CERCAM: variants seen among roughly 807,000 people sequenced by gnomAD.
CERCAM encodes the protein cerebral endothelial cell adhesion molecule.
A neutral mutation model predicts 66.0 loss-of-function variants in CERCAM; 59 were observed. The observed-to-expected ratio is 0.89, with a 90% CI of 0.73 to 1.11. The LOEUF is 1.11. Ranked by LOEUF, CERCAM falls within the 50% of genes most tolerant of loss-of-function variation. The probability of loss-of-function intolerance (pLI) is 0.00; values close to 1 mark genes in which losing one functional copy is unlikely to be tolerated. For synonymous variants in CERCAM, 318 were observed against 343.6 expected (o/e 0.93, Z 0.83); for missense variants, 840 against 828.3 (o/e 1.01, Z -0.17).
chr9:128,424,796 C>CACTGCAA (rs1426523957), intron 5 of CERCAM, among the ~76,000 whole-genome samples, 182 bp downstream of exon 5: 1 of 147,636 alleles, frequency 6.8e-6, no homozygotes, highest in Non-Finnish European at 1.5e-5. Context: ...GATCTCGGCT[C>CACTGCAA]ACTGCAAACT....
chr9:128,434,599 C>G lies in CERCAM; in HGVS notation c.1521C>G (p.Phe507Leu). 3.1e-6 allele frequency: 5 copies of G among 1,606,196 alleles called. No homozygotes were observed. Among genetic ancestry groups the G allele is most frequent in the Non-Finnish European group, 4.2e-6 (5 of 1,179,596 alleles). The change falls in exon 11 of 13, where the codon TTC becomes TTG. Residue 507 changes from phenylalanine to leucine, a missense_variant. Physicochemically the swap from Phe to Leu is conservative, Grantham distance 22. Coordinates refer to ENST00000372838, the MANE Select transcript of CERCAM (RefSeq NM_016174.5). This position sits in a 1 kb window ranked among gnomAD's most constrained non-coding sequence, Gnocchi z 4.5. ...LPVDEFLPIM[F>L]DQHPNEQYKA... is the part of the protein sequence containing the mutation. ...TGGACGAGTTCCTGCCCATCATGTT[C>G]GACCAGCACCCCAAGTGAGGCTCTG...
chr9:128,434,630 G>T lies in CERCAM; in HGVS notation c.1535+17G>T, dbSNP rs1225234276. ...GCACCCCAAGTGAGGCTCTGATGGGGGCCGGGCATGGCAGGGCAGAGGCGT... is the reference window on the plus strand; with the variant it reads ...GCACCCCAAGTGAGGCTCTGATGGGTGCCGGGCATGGCAGGGCAGAGGCGT... On this transcript the variant is annotated intron_variant, in intron 11 of 12. Coordinates refer to ENST00000372838, the MANE Select transcript of CERCAM (RefSeq NM_016174.5). This position sits in a 1 kb window ranked among gnomAD's most constrained non-coding sequence, Gnocchi z 4.5. The T allele has an allele frequency of 4.1e-6, 6 of 1,472,254 alleles. No individual in the cohort carries two copies. In the Admixed American group the frequency reaches 8.9e-5, roughly 22 times the overall value. 91.2% of individuals were successfully genotyped at this position (1,472,254 alleles called of 1,614,324 possible).
At chr9:128,425,276 C>T (rs1489303361) in intron 5 of CERCAM, among the ~76,000 whole-genome samples, 5 of 149,006 alleles carry the variant, frequency 3.4e-5, no homozygotes, top group East Asian at 2.1e-4. Flanking sequence ...AGGATGGTCT[C>T]GATCTCCTGA....
In CERCAM at chr9:128,421,052, C is replaced by T. The variant is rs891494246; in HGVS notation, c.175C>T (p.Pro59Ser). 7.3e-7 allele frequency: 1 copy of T among 1,364,886 alleles called. No homozygotes were observed. The highest frequency in any genetic ancestry group is 3.6e-5 in the Admixed American group (1 of 27,704). 84.5% of individuals were successfully genotyped at this position (1,364,886 alleles called of 1,614,324 possible). A position where few individuals can be genotyped will look rare whatever the true frequency, so the allele number is the denominator to read the frequency against. ...YLGALERLDY[P>S]RARMALWCAT... ...GGGCGCTCTGGAGCGGCTGGACTAC[C>T]CCCGGGCCAGGATGGCCCTCTGGTG... Residue 59 changes from proline (P) to serine (S), a missense_variant, in exon 1 of 13, where the codon CCC becomes TCC. Coordinates refer to ENST00000372838, the MANE Select transcript of CERCAM (RefSeq NM_016174.5).
intron 3 of CERCAM, among the ~76,000 whole-genome samples, chr9:128,423,466 A>G (rs1413360014): frequency 1.3e-5 from 2 of 152,004 alleles, no homozygotes; most frequent in Non-Finnish European, 2.9e-5. Context: ...AAAATACAAT[A>G]ATTAGCTGGG....
At chr9:128,423,087 G>GTGTCCA in intron 2 of CERCAM, 59 bp from the exon 3 acceptor site, 4 of 1,611,180 alleles carry the variant, frequency 2.5e-6, no homozygotes, top group Non-Finnish European at 2.5e-6. Flanking sequence ...TCTGTCCACT[G>GTGTCCA]CCCTGCAGAG....
Position 128,434,607 on chromosome 9 carries a change from AC to A in CERCAM, c.1533del (p.Asn512ThrfsTer68). On this transcript the variant is annotated frameshift_variant, in exon 11 of 13. Coordinates refer to ENST00000372838, the MANE Select transcript of CERCAM (RefSeq NM_016174.5). LOFTEE classifies it high-confidence loss of function. The surrounding 1 kb of genome is among the most constrained non-coding windows in gnomAD (Gnocchi z 4.5). ...TTCCTGCCCATCATGTTCGACCAGCACCCCAAGTGAGGCTCTGATGGGGGCC... is the reference window on the plus strand; with the variant it reads ...TTCCTGCCCATCATGTTCGACCAGCACCCAAGTGAGGCTCTGATGGGGGCC... ...DEFLPIMFDQHPNEQYKAHFW... is the reference protein window; with the variant it reads ...DEFLPIMFDQXPNEQYKAHFW... The A allele has an allele frequency of 1.3e-6, 2 of 1,595,130 alleles. No individual in the cohort carries two copies.
rs1464308405 is a variant in CERCAM at position 128,435,777 on chromosome 9, C to T, written c.1660C>T (p.Pro554Ser). The T allele has an allele frequency of 1.2e-6, 2 of 1,613,228 alleles. No individual in the cohort carries two copies. Among genetic ancestry groups the T allele is most frequent in the Non-Finnish European group, 1.7e-6 (2 of 1,179,880 alleles). ...GCTCAGTGACACGGAGACATCCTCT[C>T]CATGGGATGATGACAGCGGCCGCCT... ...EWLSDTETSS[P>S]WDDDSGRLIS... The change falls in exon 12 of 13, where the codon CCA becomes TCA. Residue 554 changes from proline to serine, a missense_variant. Coordinates refer to ENST00000372838, the MANE Select transcript of CERCAM (RefSeq NM_016174.5).
chr9:128,433,802 T>C (rs1291347530), intron 9 of CERCAM, among the ~76,000 whole-genome samples: 1 of 152,160 alleles, frequency 6.6e-6, no homozygotes, highest in Admixed American at 6.5e-5. Context: ...TTGAGGATCA[T>C]CATCTCCTGC....
intron 12 of CERCAM, among the ~76,000 whole-genome samples, chr9:128,436,242 A>T (rs563340105): frequency 6.8e-5 from 10 of 146,056 alleles, no homozygotes; most frequent in African/African-American, 2.3e-4. Context: ...TTTTATTTTT[A>T]TTTATTTATT....
intron 8 of CERCAM, among the ~76,000 whole-genome samples, chr9:128,430,247 CA>C (rs1169688424): frequency 6.6e-6 from 1 of 151,786 alleles, no homozygotes; most frequent in Non-Finnish European, 1.5e-5. Context: ...ACTAAAAGTA[CA>C]AAAATTAGCC....
chr9:128,425,301 C>T lies in CERCAM; in HGVS notation c.766+687C>T, dbSNP rs549455951. Among the ~76,000 whole-genome samples, 28 of 151,928 alleles carry T rather than the reference C, an allele frequency of 1.8e-4. No individual in the cohort carries two copies. In the South Asian group the frequency reaches 1.9e-3, roughly 10 times the overall value. ...CGATCTCCTGACCTCGTGATCTGCCCGCCTCGGCCTCCCAAAGTGCTGGGA... is the reference window on the plus strand; with the variant it reads ...CGATCTCCTGACCTCGTGATCTGCCTGCCTCGGCCTCCCAAAGTGCTGGGA... On this transcript the variant is annotated intron_variant, in intron 5 of 12. Transcript: ENST00000372838.
chr9:128,433,248 C>CA (rs1834021984), intron 9 of CERCAM, among the ~76,000 whole-genome samples: 1 of 144,202 alleles, frequency 6.9e-6, no homozygotes, highest in South Asian at 2.2e-4. Flanking sequence ...CACTGCACTC[C>CA]AGCCCGGGCG....
Position 128,429,034 on chromosome 9 carries a change from C to G in CERCAM, c.1068C>G (p.Gly356=). The change falls in exon 8 of 13, where the codon GGC becomes GGG. Residue 356 remains glycine, a splice_region_variant and synonymous_variant. Transcript: ENST00000372838. ...ISGRVVDAVD[G]WMLNSSAIRN... Reference sequence around the variant, plus strand: ...GGAGGGTGGTGGACGCTGTGGATGGCTGGTGAGCCTGCCTGGTGGGGGGGG... The same window carrying G: ...GGAGGGTGGTGGACGCTGTGGATGGGTGGTGAGCCTGCCTGGTGGGGGGGG... 1 of 1,597,302 alleles carries G rather than the reference C, an allele frequency of 6.3e-7. No homozygotes were observed. The highest frequency in any genetic ancestry group is 1.3e-5 in the African/African-American group (1 of 74,846).
chr9:128,434,529 C>G lies in CERCAM; in HGVS notation c.1451C>G (p.Ala484Gly). The G allele has an allele frequency of 5.0e-6, 8 of 1,612,694 alleles. No individual in the cohort carries two copies. Among genetic ancestry groups the G allele is most frequent in the Non-Finnish European group, 6.8e-6 (8 of 1,179,962 alleles). Reference protein sequence around the residue: ...TLAYALRLAGARKLLASQPLR... With the variant: ...TLAYALRLAGGRKLLASQPLR... ...GCCTATGCCCTGCGTCTGGCGGGTG[C>G]CCGCAAGCTGCTGGCCTCACAGCCT... Residue 484 changes from alanine (A) to glycine (G), a missense_variant, in exon 11 of 13, where the codon GCC (alanine) becomes GGC (glycine). By Grantham distance (60) the Ala-to-Gly change is moderately conservative (BLOSUM62 0). Transcript: ENST00000372838. The surrounding 1 kb of genome is among the most constrained non-coding windows in gnomAD (Gnocchi z 4.5).
rs1380438921 is a variant in CERCAM, at chr9:128,437,131, C to A, written c.*283C>A. On this transcript the variant is annotated 3_prime_UTR_variant, in exon 13 of 13. Coordinates refer to ENST00000372838, the MANE Select transcript of CERCAM (RefSeq NM_016174.5). ...CCCCCAGCTTCTGTTTCAAGCTGGG[C>A]AGACCCCAGGATCCCTTCCCTCCCT... The A allele has an allele frequency of 6.6e-6, 1 of 152,490 alleles. No individual in the cohort carries two copies. The allele number at this position is 152,490 out of a possible 1,614,324, so 9.4% of individuals were successfully genotyped here.
At chr9:128,430,128 C>T (rs1564429212) in intron 8 of CERCAM, among the ~76,000 whole-genome samples, 1 of 152,082 alleles carries the variant, frequency 6.6e-6, no homozygotes, top group Non-Finnish European at 1.5e-5. Context: ...TGACTGGGCA[C>T]GGTGGCTCAT....
upstream of CERCAM, chr9:128,420,798 G>A (rs994866644): frequency 8.7e-6 from 5 of 573,044 alleles, no homozygotes; most frequent in African/African-American, 2.0e-5. This position sits in a 1 kb window ranked among gnomAD's most constrained non-coding sequence, Gnocchi z 5.0. Context: ...CCTCGGCCCC[G>A]CCCGGGCCCC....
At chr9:128,421,598 C>T (rs1208247345) in intron 1 of CERCAM, 2 of 851,560 alleles carry the variant, frequency 2.3e-6, no homozygotes, top group Middle Eastern at 6.0e-4. Context: ...GGCCAGCTCT[C>T]TTGGTAGATC....
Sources: allele counts gnomAD v4.1 joint callset (sites outside exome capture counted in the v4.1 genomes callset), GRCh38; gene constraint gnomAD v4.1.1; non-coding constraint Gnocchi (gnomAD v3.1); transcripts MANE v1.5; gene names NCBI Gene and HGNC (gene_info 2026-07-23, HGNC 2026-07-21).